DPP6: variants seen among roughly 807,000 people sequenced by gnomAD.
DPP6 encodes A-type potassium channel modulatory protein DPP6.
A neutral mutation model predicts 122.6 loss-of-function variants in DPP6; 69 were observed. That is an observed-to-expected ratio of 0.56 (90% CI 0.46 to 0.69). The LOEUF is 0.69. Ranked by LOEUF, DPP6 falls within the 30% of genes least tolerant of loss-of-function variation. The pLI is 0.00. For synonymous variants in DPP6, 418 were observed against 433.1 expected (o/e 0.97, Z 0.43); for missense variants, 928 against 1,116.9 (o/e 0.83, Z 2.41).
chr7:154,768,496 G>A (rs1796044057), intron 8 of DPP6, among the ~76,000 whole-genome samples: 1 of 152,158 alleles, frequency 6.6e-6, no homozygotes, highest in Non-Finnish European at 1.5e-5. Context: ...CAAATCTAGA[G>A]GGAATTAGTT....
the DPP6 span, among the ~76,000 whole-genome samples, chr7:153,768,368 G>A: frequency 6.6e-6 from 1 of 152,042 alleles, no homozygotes; most frequent in African/African-American, 2.4e-5. Context: ...AAGTGCATTT[G>A]TAAGGAGAAC....
chr7:154,141,894 C>T (rs1173114057), intron 1 of DPP6, among the ~76,000 whole-genome samples: 1 of 152,130 alleles, frequency 6.6e-6, no homozygotes, highest in East Asian at 1.9e-4. Context: ...GATCAATTTG[C>T]TTATGTTAAA....
intron 4 of DPP6, among the ~76,000 whole-genome samples, chr7:154,561,730 G>GA (rs1331294811): frequency 6.6e-6 from 1 of 151,876 alleles, no homozygotes; most frequent in Middle Eastern, 3.2e-3. Context: ...AAAAATGTTA[G>GA]AAAAAATGAC....
rs1214954713 is a variant in DPP6, at chr7:154,061,624, G to T, written c.243+8561G>T. On this transcript the variant is annotated intron_variant, in intron 1 of 25. Transcript: ENST00000377770. Reference sequence around the variant, plus strand: ...TCTTGGGACTCCCATCACAGGGGGGGGAGGCACCCGCTGCGAGGCGGGGAC... The same window carrying T: ...TCTTGGGACTCCCATCACAGGGGGGTGAGGCACCCGCTGCGAGGCGGGGAC... Among the ~76,000 whole-genome samples the T allele has an allele frequency of 5.6e-5, 8 of 143,372 alleles. 1 individual carries two copies. Among genetic ancestry groups the T allele is most frequent in the Admixed American group, 4.1e-4 (6 of 14,634 alleles). The allele number at this position is 143,372 out of a possible 152,430, so 94.1% of individuals were successfully genotyped here.
intron 7 of DPP6, among the ~76,000 whole-genome samples, chr7:154,701,036 G>T (rs1840495117): frequency 1.3e-5 from 2 of 152,052 alleles, no homozygotes; most frequent in Non-Finnish European, 2.9e-5. Context: ...CATCTGCCTG[G>T]ATTTGTCTCC....
intron 7 of DPP6, among the ~76,000 whole-genome samples, chr7:154,682,748 A>G (rs574123723): frequency 6.6e-6 from 1 of 152,328 alleles, no homozygotes; most frequent in South Asian, 2.1e-4. Context: ...GAGGTTAATT[A>G]TCAATACTGG....
At chr7:154,789,091 C>T (rs764573571) in intron 10 of DPP6, among the ~76,000 whole-genome samples, 24 of 152,186 alleles carry the variant, frequency 1.6e-4, no homozygotes, top group Non-Finnish European at 3.1e-4. Context: ...CCTCCCACAC[C>T]TGATACCTGG....
intron 1 of DPP6, among the ~76,000 whole-genome samples, chr7:154,205,004 T>C (rs77799087): frequency 0.023 from 3,565 of 152,278 alleles, 144 homozygotes; most frequent in African/African-American, 0.081. Context: ...CTCCAATCTT[T>C]ACATTTTAAT....
At chr7:153,753,049 T>G in the DPP6 span, among the ~76,000 whole-genome samples, 1 of 152,218 alleles carries the variant, frequency 6.6e-6, no homozygotes, top group East Asian at 1.9e-4. Context: ...TTACTTATAT[T>G]ATAATTTGAG....
intron 15 of DPP6, among the ~76,000 whole-genome samples, 189 bp downstream of exon 15, chr7:154,805,153 C>T (rs1007032499): frequency 1.3e-5 from 2 of 152,202 alleles, no homozygotes; most frequent in African/African-American, 4.8e-5. Flanking sequence ...AGTTTTGAGA[C>T]TTTTGAAGCT....
rs1806465354 is a variant in DPP6 at position 154,889,933 on chromosome 7, A to T, written c.2451+403A>T. Reference sequence around the variant, plus strand: ...GCTGGTGGGCCCTGAGCCTTGCCCCACTGCTTCCCTCTGACCAACACCACA... The same window carrying T: ...GCTGGTGGGCCCTGAGCCTTGCCCCTCTGCTTCCCTCTGACCAACACCACA... On this transcript the variant is annotated intron_variant, in intron 25 of 25. Transcript: ENST00000377770. The T allele has an allele frequency of 1.5e-5, 3 of 204,056 alleles. No individual in the cohort carries two copies. In the South Asian group the frequency reaches 3.2e-4, roughly 22 times the overall value. 12.6% of individuals were successfully genotyped at this position (204,056 alleles called of 1,614,324 possible). A position where few individuals can be genotyped will look rare whatever the true frequency, so the allele number is the denominator to read the frequency against.
At chr7:154,512,630 A>G (rs1251754518) in intron 3 of DPP6, among the ~76,000 whole-genome samples, 2 of 152,170 alleles carry the variant, frequency 1.3e-5, no homozygotes, top group Admixed American at 1.3e-4. Context: ...TTTGTGCCCG[A>G]TCAATAGGTC....
At chr7:154,072,206 C>A (rs764579518) in intron 1 of DPP6, among the ~76,000 whole-genome samples, 1 of 152,354 alleles carries the variant, frequency 6.6e-6, no homozygotes, top group Middle Eastern at 3.4e-3. Context: ...AGCTTATATC[C>A]GCTTGCAGTT....
At chr7:154,022,432 G>A (rs1798748292) in intron 1 of DPP6, among the ~76,000 whole-genome samples, 1 of 152,170 alleles carries the variant, frequency 6.6e-6, no homozygotes, top group Non-Finnish European at 1.5e-5. Context: ...AAAAAAAAGG[G>A]GAAGAAACTG....
the DPP6 span, among the ~76,000 whole-genome samples, chr7:153,763,896 T>C: frequency 6.6e-6 from 1 of 152,188 alleles, no homozygotes; most frequent in East Asian, 1.9e-4. Flanking sequence ...TGATGTGTAA[T>C]GTACAAAGTA....
chr7:153,889,880 T>C (rs1319665995), intron 1 of DPP6, among the ~76,000 whole-genome samples: 1 of 152,244 alleles, frequency 6.6e-6, no homozygotes, highest in Non-Finnish European at 1.5e-5. Context: ...AATTGATAAT[T>C]ATGGCTCCAC....
intron 3 of DPP6, among the ~76,000 whole-genome samples, chr7:154,505,028 G>A (rs1015408861): frequency 7.9e-5 from 12 of 152,102 alleles, no homozygotes; most frequent in African/African-American, 2.9e-4. Context: ...ATCAGAACTA[G>A]GAGACTGTCT....
intron 1 of DPP6, among the ~76,000 whole-genome samples, chr7:154,375,557 G>T (rs944280133): frequency 6.6e-6 from 1 of 152,130 alleles, no homozygotes; most frequent in Non-Finnish European, 1.5e-5. Context: ...CCCATGATGG[G>T]ATCAGTATCC....
At chr7:154,782,076 G>A (rs944643164) in intron 10 of DPP6, among the ~76,000 whole-genome samples, 6 of 152,272 alleles carry the variant, frequency 3.9e-5, no homozygotes, top group South Asian at 2.1e-4. Flanking sequence ...GCTCCCCCAC[G>A]TAATCCATGG....
Sources: gnomAD v4.1 joint callset for allele counts (sites outside exome capture counted in the v4.1 genomes callset) on GRCh38, gnomAD v4.1.1 for gene constraint, MANE v1.5 for transcripts, NCBI Gene and HGNC (gene_info 2026-07-23, HGNC 2026-07-21) for gene names.